TAF3: variants seen among roughly 807,000 people sequenced by gnomAD.
TAF3 encodes the protein TATA-box binding protein associated factor 3, also known as transcription initiation factor TFIID subunit 3.
A neutral mutation model predicts 80.6 loss-of-function variants in TAF3; 7 were observed. The ratio of observed to expected loss-of-function variants is 0.09; its 90% CI spans 0.05 to 0.16. The LOEUF is 0.16. Among genes scored for constraint, TAF3 ranks in the 10% least tolerant of loss-of-function variants. TAF3 has a pLI of 1.00. For synonymous variants in TAF3, 444 were observed against 446.1 expected (o/e 1.00, Z 0.06); for missense variants, 921 against 1,140.2 (o/e 0.81, Z 2.77).
chr10:7,871,881 A>G (rs550087551), intron 2 of TAF3, among the ~76,000 whole-genome samples: 1 of 152,354 alleles, frequency 6.6e-6, no homozygotes, highest in Admixed American at 6.5e-5. Flanking sequence ...AACTATCCAA[A>G]TATTTCTAAT....
At chr10:7,877,078 C>T (rs2151015) in intron 2 of TAF3, among the ~76,000 whole-genome samples, 54,614 of 150,464 alleles carry the variant, frequency 0.36, 11,090 homozygotes, top group Admixed American at 0.49. Context: ...TTATTTTTTA[C>T]GCTGTTACTG....
At position 8,014,837 on chromosome 10, in the gene TAF3, C is replaced by G; in HGVS notation, c.*86C>G. On this transcript the variant is annotated 3_prime_UTR_variant, in exon 7 of 7. Coordinates refer to ENST00000344293, the MANE Select transcript of TAF3 (RefSeq NM_031923.4). ...AAGGGAGCTGGTGCAAGTCTGCCGT[C>G]ACATCCACCCCCAGATGCCTGTGGA... 4 of 1,157,426 alleles carry G rather than the reference C, an allele frequency of 3.5e-6. No homozygotes were observed. The highest frequency in any genetic ancestry group is 4.9e-6 in the Non-Finnish European group (4 of 819,514). The allele number at this position is 1,157,426 out of a possible 1,614,324, so 71.7% of individuals were successfully genotyped here. A position where few individuals can be genotyped will look rare whatever the true frequency, so the allele number is the denominator to read the frequency against.
intron 2 of TAF3, among the ~76,000 whole-genome samples, chr10:7,838,130 G>A (rs1479288693): frequency 6.6e-6 from 1 of 152,176 alleles, no homozygotes; most frequent in Non-Finnish European, 1.5e-5. Flanking sequence ...GCCTCGTGTT[G>A]CATTGGGAAT....
intron 2 of TAF3, among the ~76,000 whole-genome samples, chr10:7,953,596 C>T (rs1197661366): frequency 6.6e-6 from 1 of 152,208 alleles, no homozygotes; most frequent in African/African-American, 2.4e-5. Context: ...CCAACATTTC[C>T]ATTCCTGCCT....
At chr10:7,919,205 A>C (rs116705062) in intron 2 of TAF3, among the ~76,000 whole-genome samples, 210 of 152,278 alleles carry the variant, frequency 1.4e-3, no homozygotes, top group Middle Eastern at 3.4e-3. Context: ...GCTTCTGGCT[A>C]AGGTAATGGG....
At chr10:7,833,459 A>AT (rs1167802609) in intron 2 of TAF3, among the ~76,000 whole-genome samples, 1 of 151,950 alleles carries the variant, frequency 6.6e-6, no homozygotes, top group Admixed American at 6.6e-5. Flanking sequence ...AATGTTGAAC[A>AT]TTTTTTCATG....
chr10:7,865,515 A>G (rs1837203712), intron 2 of TAF3, among the ~76,000 whole-genome samples: 1 of 151,948 alleles, frequency 6.6e-6, no homozygotes, highest in South Asian at 2.1e-4. Context: ...AGAAACAAAC[A>G]GAAAGTAGGG....
intron 2 of TAF3, among the ~76,000 whole-genome samples, chr10:7,872,098 ATAAT>A (rs1035755852): frequency 1.2e-4 from 18 of 152,204 alleles, no homozygotes; most frequent in African/African-American, 3.6e-4. Context: ...CGAAATTTCC[ATAAT>A]TAAAGTTTGT....
At chr10:7,851,384 G>A (rs1164297264) in intron 2 of TAF3, among the ~76,000 whole-genome samples, 1 of 152,132 alleles carries the variant, frequency 6.6e-6, no homozygotes, top group Non-Finnish European at 1.5e-5. Context: ...GGGGTGGTTG[G>A]GGCAGAGTGT....
intron 2 of TAF3, among the ~76,000 whole-genome samples, chr10:7,893,499 A>C (rs1837477465): frequency 1.3e-5 from 2 of 152,190 alleles, no homozygotes; most frequent in African/African-American, 4.8e-5. Flanking sequence ...ATTTCCTCTT[A>C]CTGTACCAAA....
intron 4 of TAF3, among the ~76,000 whole-genome samples, chr10:8,004,756 T>C (rs948840147): frequency 1.3e-5 from 2 of 152,208 alleles, no homozygotes; most frequent in African/African-American, 4.8e-5. Flanking sequence ...TGTGCCTAGA[T>C]ATAGATTTAT....
At position 7,964,798 on chromosome 10, in the gene TAF3, G is replaced by C. The variant is rs747529411; in HGVS notation, c.1288G>C (p.Glu430Gln). The C allele has an allele frequency of 2.5e-6, 4 of 1,614,156 alleles. No individual in the cohort carries two copies. The highest frequency in any genetic ancestry group is 2.5e-6 in the Non-Finnish European group (3 of 1,180,040). Residue 430 changes from glutamate to glutamine, a missense_variant, in exon 3 of 7, where the codon GAG becomes CAG. Glu to Gln is a conservative substitution (Grantham distance 29, BLOSUM62 2). Around this residue, in one of 6 missense-constraint regions of TAF3, gnomAD observed 743 missense variants for 821.0 expected, o/e 0.90. Coordinates refer to ENST00000344293, the MANE Select transcript of TAF3 (RefSeq NM_031923.4). The surrounding 1 kb of genome is among the most constrained non-coding windows in gnomAD (Gnocchi z 4.1). ...FTSPKRISGP[E>Q]CTTPKASTSA... is the part of the protein sequence containing the mutation. Reference sequence around the variant, plus strand: ...TAGCCCTAAGAGAATTTCAGGCCCGGAGTGTACTACTCCCAAAGCTTCCAC... The same window carrying C: ...TAGCCCTAAGAGAATTTCAGGCCCGCAGTGTACTACTCCCAAAGCTTCCAC...
chr10:7,860,329 C>T (rs146223631), intron 2 of TAF3, among the ~76,000 whole-genome samples: 21 of 151,314 alleles, frequency 1.4e-4, no homozygotes, highest in African/African-American at 4.8e-4. Flanking sequence ...AATTATTAAG[C>T]GTTTGAAAAT....
rs548328625 is a variant in TAF3 at position 7,847,484 on chromosome 10, G to A, written c.409+22924G>A. 8.5e-5 allele frequency among the ~76,000 whole-genome samples: 13 copies of A among 152,172 alleles called. No homozygotes were observed. In the East Asian group the frequency reaches 1.3e-3, roughly 16 times the overall value. ...TTTTAAGACAGAGTCTTGCCCTGTCGTACAGGCTGGAGCGCAGTGGTGCAG... is the reference window on the plus strand; with the variant it reads ...TTTTAAGACAGAGTCTTGCCCTGTCATACAGGCTGGAGCGCAGTGGTGCAG... On this transcript the variant is annotated intron_variant, in intron 2 of 6. Coordinates refer to ENST00000344293, the MANE Select transcript of TAF3 (RefSeq NM_031923.4).
At chr10:7,842,074 C>T (rs190791034) in intron 2 of TAF3, among the ~76,000 whole-genome samples, 2 of 150,612 alleles carry the variant, frequency 1.3e-5, no homozygotes, top group East Asian at 1.9e-4. Flanking sequence ...GCCCTCCTAT[C>T]GTTCATTGAG....
chr10:7,965,486 A>C lies in TAF3; in HGVS notation c.1976A>C (p.Lys659Thr), dbSNP rs775662435. 2.5e-6 allele frequency: 4 copies of C among 1,609,024 alleles called. No homozygotes were observed. Residue 659 changes from lysine (K) to threonine (T), a missense_variant, in exon 3 of 7, where the codon AAA becomes ACA. Lys to Thr is a moderately conservative substitution (Grantham distance 78). Around this residue, in one of 6 missense-constraint regions of TAF3, gnomAD observed 743 missense variants for 821.0 expected, o/e 0.90. Coordinates refer to ENST00000344293, the MANE Select transcript of TAF3 (RefSeq NM_031923.4). ...APAPPLVLPP[K>T]ELALPLFSPA... ...GCACCCCCACTGGTGTTGCCCCCAA[A>C]AGAGTTGGCCCTGCCCTTGTTCAGC...
At chr10:7,878,112 A>G (rs1245550032) in intron 2 of TAF3, among the ~76,000 whole-genome samples, 1 of 152,212 alleles carries the variant, frequency 6.6e-6, no homozygotes, top group Non-Finnish European at 1.5e-5. Context: ...TATTAATTCT[A>G]AAACATGATT....
Position 8,009,360 on chromosome 10 carries a change from T to C in TAF3, c.2568+30T>C, listed in dbSNP as rs769291378. On this transcript the variant is annotated intron_variant, in intron 5 of 6. Coordinates refer to ENST00000344293, the MANE Select transcript of TAF3 (RefSeq NM_031923.4). This position sits in a 1 kb window ranked among gnomAD's most constrained non-coding sequence, Gnocchi z 4.1. Reference sequence around the variant, plus strand: ...GTACCTGCCGCCCGCGCGGTTAGCATGGAGACGTTTTCAGATCGAGACAAG... The same window carrying C: ...GTACCTGCCGCCCGCGCGGTTAGCACGGAGACGTTTTCAGATCGAGACAAG... The C allele has an allele frequency of 6.3e-7, 1 of 1,576,904 alleles. No individual in the cohort carries two copies. The highest frequency in any genetic ancestry group is 1.1e-5 in the South Asian group (1 of 88,896).
intron 2 of TAF3, among the ~76,000 whole-genome samples, chr10:7,960,138 C>G (rs886167749): frequency 4.0e-5 from 6 of 150,754 alleles, no homozygotes; most frequent in African/African-American, 1.5e-4. Context: ...ATTTATGAAC[C>G]TCTGTGGAGT....
Sources: allele counts gnomAD v4.1 joint callset (sites outside exome capture counted in the v4.1 genomes callset), GRCh38; gene constraint gnomAD v4.1.1; regional missense constraint gnomAD v4.1.1; non-coding constraint Gnocchi (gnomAD v3.1); transcripts MANE v1.5; gene names NCBI Gene and HGNC (gene_info 2026-07-23, HGNC 2026-07-21).